NHS: variants seen among roughly 807,000 people sequenced by gnomAD.
The protein encoded by NHS is NHS actin remodeling regulator.
A neutral mutation model predicts 72.5 loss-of-function variants in NHS; 5 were observed. The observed-to-expected ratio is 0.07, with a 90% CI of 0.04 to 0.14. NHS has a LOEUF of 0.14. Ranked by LOEUF, NHS falls within the 10% of genes least tolerant of loss-of-function variation. The pLI is 1.00. For missense variants in NHS, 1,072 were observed against 1,355.7 expected (o/e 0.79, Z 3.29); for synonymous variants, 464 against 547.7 (o/e 0.85, Z 2.13).
chrX:17,468,318 T>G (rs1363343966), intron 1 of NHS, among the ~76,000 whole-genome samples: 1 of 111,273 alleles, frequency 9.0e-6, no homozygotes, highest in Non-Finnish European at 1.9e-5. Context: ...GAGCTTGAGA[T>G]GTGAGCCTTT....
intron 1 of NHS, among the ~76,000 whole-genome samples, chrX:17,643,073 G>A (rs748366389): frequency 8.9e-6 from 1 of 111,811 alleles, no homozygotes; most frequent in South Asian, 3.8e-4. Context: ...GTGCTCAGGA[G>A]GATTATGCTA....
Position 17,376,305 on chromosome X carries a change from C to T in NHS, c.548C>T (p.Pro183Leu), listed in dbSNP as rs2064347078. The part of the protein sequence containing the change: ...GVQRVLSTLD[P>L]KQEAVPVSNL... ...CAGCGCGTCCTCAGCACGCTTGACCCTAAGCAGGAGGCAGTGCGTGAGTAC... is the reference window on the plus strand; with the variant it reads ...CAGCGCGTCCTCAGCACGCTTGACCTTAAGCAGGAGGCAGTGCGTGAGTAC... The change falls in exon 1 of 9, where the codon CCT (proline) becomes CTT (leucine). Residue 183 changes from proline to leucine, a missense_variant. Pro to Leu is a moderately conservative substitution (Grantham distance 98). Transcript: ENST00000676302. 6.9e-6 allele frequency: 8 copies of T among 1,153,466 alleles called. No homozygotes were observed. The highest frequency in any genetic ancestry group is 3.3e-5 in the East Asian group (1 of 30,723).
At chrX:17,575,206 C>T (rs1048913766) in intron 1 of NHS, among the ~76,000 whole-genome samples, 1 of 112,005 alleles carries the variant, frequency 8.9e-6, no homozygotes, top group African/African-American at 3.3e-5. Context: ...CTGGCGTGCC[C>T]CTTTATAAAC....
intron 1 of NHS, among the ~76,000 whole-genome samples, chrX:17,573,518 T>G (rs4400511): frequency 0.019 from 2,070 of 109,751 alleles, 46 homozygotes; most frequent in African/African-American, 0.065. Context: ...TAATGTGGTT[T>G]TCAGCTCCAT....
intron 1 of NHS, among the ~76,000 whole-genome samples, chrX:17,497,729 T>A (rs895205841): frequency 8.9e-6 from 1 of 112,332 alleles, no homozygotes; most frequent in Admixed American, 9.5e-5. Context: ...ATTCTGTAAC[T>A]TGCTTTATGA....
intron 1 of NHS, among the ~76,000 whole-genome samples, chrX:17,558,935 T>A (rs962230345): frequency 8.9e-6 from 1 of 112,862 alleles, no homozygotes. Context: ...CATTTTTACA[T>A]TCATATACAC....
intron 1 of NHS, among the ~76,000 whole-genome samples, chrX:17,658,696 G>A (rs1461625428): frequency 1.8e-5 from 2 of 112,160 alleles, no homozygotes; most frequent in Non-Finnish European, 3.8e-5. Flanking sequence ...TATAAGGCCA[G>A]TGCAACAGTG....
intron 1 of NHS, among the ~76,000 whole-genome samples, chrX:17,512,494 A>G (rs1414117378): frequency 8.9e-6 from 1 of 111,847 alleles, no homozygotes; most frequent in Non-Finnish European, 1.9e-5. Flanking sequence ...TTTTAACACC[A>G]GATATGGATG....
intron 1 of NHS, among the ~76,000 whole-genome samples, chrX:17,382,956 G>A (rs1940745649): frequency 8.9e-6 from 1 of 112,094 alleles, no homozygotes; most frequent in African/African-American, 3.2e-5. Flanking sequence ...AACCAAATAT[G>A]GACAGGGAGT....
intron 1 of NHS, among the ~76,000 whole-genome samples, chrX:17,598,893 C>T (rs988673386): frequency 1.8e-5 from 2 of 111,121 alleles, no homozygotes; most frequent in Admixed American, 9.6e-5. Flanking sequence ...ATCACTGGCC[C>T]CAGAAGAGCC....
At chrX:17,393,155 A>G (rs1439271536) in intron 1 of NHS, among the ~76,000 whole-genome samples, 1 of 111,671 alleles carries the variant, frequency 9.0e-6, no homozygotes, top group Non-Finnish European at 1.9e-5. Context: ...TCTTTTGCTG[A>G]ATATACCTAC....
chrX:17,635,350 G>A, intron 1 of NHS: 1 of 1,111,385 alleles, frequency 9.0e-7, no homozygotes, highest in Non-Finnish European at 1.2e-6. Flanking sequence ...GCACTTGGGT[G>A]AGACCATCTC....
At position 17,733,537 on chromosome X, in the gene NHS, G is replaced by T. The variant is rs1379841116; in HGVS notation, c.*1073G>T. On this transcript the variant is annotated 3_prime_UTR_variant, in exon 9 of 9. Coordinates refer to ENST00000676302, the MANE Select transcript of NHS (RefSeq NM_001291867.2). ...TAAACAGTTTAGAAATTAGCTCCAG[G>T]TTCTTAAACTAACAAAAATAAAACC... is the stretch of plus-strand genomic sequence containing the variant. 2 of 111,968 alleles carry T rather than the reference G, an allele frequency of 1.8e-5. No homozygotes were observed. Among genetic ancestry groups the T allele is most frequent in the African/African-American group, 6.5e-5 (2 of 30,725 alleles). The allele number at this position is 111,968 out of a possible 1,213,427, so 9.2% of individuals were successfully genotyped here. A position where few individuals can be genotyped will look rare whatever the true frequency, so the allele number is the denominator to read the frequency against.
intron 1 of NHS, among the ~76,000 whole-genome samples, chrX:17,578,847 C>T (rs1432836240): frequency 1.8e-5 from 2 of 111,796 alleles, no homozygotes; most frequent in Non-Finnish European, 3.8e-5. Flanking sequence ...TAGTATCTTG[C>T]GGCACTGCTC....
At position 17,375,593 on chromosome X, in the gene NHS, G is replaced by A. The variant is rs2146834124; in HGVS notation, c.-165G>A. 1.0e-5 allele frequency: 5 copies of A among 486,503 alleles called. No individual in the cohort carries two copies. The East Asian group carries it at 1.9e-4, about 19-fold the overall frequency. 40.1% of individuals were successfully genotyped at this position (486,503 alleles called of 1,213,427 possible). A position where few individuals can be genotyped will look rare whatever the true frequency, so the allele number is the denominator to read the frequency against. ...TGGACTGATTTGCTAGGGAGAGGGC[G>A]GGGAAGAGGAGGCAAGGTGAGCAGA... is the stretch of plus-strand genomic sequence containing the variant. On this transcript the variant is annotated 5_prime_UTR_variant, in exon 1 of 9. Coordinates refer to ENST00000676302, the MANE Select transcript of NHS (RefSeq NM_001291867.2).
intron 1 of NHS, among the ~76,000 whole-genome samples, chrX:17,477,690 T>C (rs1372997669): frequency 1.8e-5 from 2 of 112,038 alleles, no homozygotes; most frequent in Admixed American, 1.9e-4. Flanking sequence ...GAATTAAAGA[T>C]GAGAGTGGGA....
intron 1 of NHS, among the ~76,000 whole-genome samples, chrX:17,393,931 T>C (rs1474587824): frequency 9.0e-6 from 1 of 111,587 alleles, no homozygotes; most frequent in Admixed American, 9.5e-5. Context: ...TTGAACCCCC[T>C]GGCATAGGCT....
intron 1 of NHS, among the ~76,000 whole-genome samples, chrX:17,484,127 A>G (rs1241403033): frequency 8.9e-6 from 1 of 112,355 alleles, no homozygotes; most frequent in Non-Finnish European, 1.9e-5. Context: ...ACATCATGGA[A>G]TTCCTAAACA....
chrX:17,454,182 G>A (rs1432187349), intron 1 of NHS, among the ~76,000 whole-genome samples: 1 of 111,989 alleles, frequency 8.9e-6, no homozygotes, highest in Non-Finnish European at 1.9e-5. Flanking sequence ...TTGGAGCCCT[G>A]TTGATTTATA....
Sources: gnomAD v4.1 joint callset for allele counts (sites outside exome capture counted in the v4.1 genomes callset) on GRCh38, gnomAD v4.1.1 for gene constraint, MANE v1.5 for transcripts, NCBI Gene and HGNC (gene_info 2026-07-23, HGNC 2026-07-21) for gene names.